CTSB: variants seen among roughly 807,000 people sequenced by gnomAD.
CTSB encodes cathepsin B, also known as APP secretase.
In CTSB, 57 loss-of-function variants were observed where a neutral mutation model predicts 44.3. The ratio of observed to expected loss-of-function variants is 1.29; its 90% CI spans 1.04 to 1.60. The LOEUF is 1.60. Among genes scored for constraint, CTSB ranks in the 40% most tolerant of loss-of-function variants. The probability of loss-of-function intolerance (pLI) is 0.00; values close to 1 mark genes in which losing one functional copy is unlikely to be tolerated. For missense variants in CTSB, 768 were observed against 443.0 expected (o/e 1.73, Z -6.59); for synonymous variants, 320 against 168.0 (o/e 1.91, Z -7.00).
At chr8:11,845,625 T>G in intron 9 of CTSB, 36 bp downstream of exon 9, 1 of 1,602,116 alleles carries the variant, frequency 6.2e-7, no homozygotes, top group Non-Finnish European at 8.5e-7. Flanking sequence ...TGGCTCACAA[T>G]TCACTGTTCT....
intron 2 of CTSB, 25 bp from the exon 3 acceptor site, chr8:11,852,720 G>A (rs1814819199): frequency 6.2e-7 from 1 of 1,607,294 alleles, no homozygotes; most frequent in Non-Finnish European, 8.5e-7. Flanking sequence ...CCCACTGACT[G>A]AAGGGTCTCC....
At chr8:11,849,397 T>C (rs13254438) in intron 4 of CTSB, 207,015 of 348,476 alleles carry the variant, frequency 0.59, 62,648 homozygotes, top group Middle Eastern at 0.66. Context: ...TTGCCCACCT[T>C]GGCCTCCCAA....
chr8:11,848,470 TA>T (rs1380500569), intron 5 of CTSB: 24 of 446,938 alleles, frequency 5.4e-5, no homozygotes, highest in Non-Finnish European at 7.6e-5. Context: ...GAGCAGACGC[TA>T]AACTTCCCTA....
chr8:11,866,547 G>C (rs1817180964), intron 1 of CTSB, among the ~76,000 whole-genome samples: 1 of 152,260 alleles, frequency 6.6e-6, no homozygotes, highest in Non-Finnish European at 1.5e-5. Context: ...TTCTCCAGGA[G>C]CTGGCGGGTT....
At chr8:11,850,669 C>T in intron 4 of CTSB, 197 bp downstream of exon 4, 2 of 471,794 alleles carry the variant, frequency 4.2e-6, no homozygotes, top group Non-Finnish European at 7.8e-6. Flanking sequence ...GCTGGATGCT[C>T]TGCCCGCCAC....
intron 1 of CTSB, among the ~76,000 whole-genome samples, chr8:11,854,047 G>A (rs952736363): frequency 2.0e-5 from 3 of 152,168 alleles, no homozygotes; most frequent in African/African-American, 2.4e-5. Context: ...CTCTGCTTCC[G>A]GCTGCGGAGA....
chr8:11,846,579 C>G (rs1008823073), intron 8 of CTSB, among the ~76,000 whole-genome samples: 1 of 152,174 alleles, frequency 6.6e-6, no homozygotes, highest in African/African-American at 2.4e-5. Context: ...AAGGTCCTCC[C>G]TGTGTGTTCA....
At chr8:11,852,452 A>C (rs1431622978) in intron 3 of CTSB, among the ~76,000 whole-genome samples, 158 bp downstream of exon 3, 1 of 152,172 alleles carries the variant, frequency 6.6e-6, no homozygotes, top group Non-Finnish European at 1.5e-5. Flanking sequence ...GTAATATAAA[A>C]ATGAAAAGAA....
intron 1 of CTSB, among the ~76,000 whole-genome samples, chr8:11,863,839 G>A (rs1033464732): frequency 2.3e-4 from 35 of 152,144 alleles, no homozygotes; most frequent in African/African-American, 8.4e-4. Context: ...GTAAATTGAT[G>A]CAACCACACT....
At chr8:11,846,945 C>G (rs1813479043) in intron 8 of CTSB, 107 bp downstream of exon 8, 2 of 742,386 alleles carry the variant, frequency 2.7e-6, no homozygotes, top group Non-Finnish European at 4.9e-6. Context: ...TCCCCAGCCC[C>G]TCACCTGCCT....
chr8:11,861,604 G>T (rs543738318), intron 1 of CTSB: 1 of 152,344 alleles, frequency 6.6e-6, no homozygotes, highest in South Asian at 2.1e-4. Flanking sequence ...TGTTGTCGTT[G>T]TTGGTTGTAA....
In CTSB at chr8:11,842,729, C is replaced by G. The variant is rs949243611; in HGVS notation, c.*2396G>C. The G allele has an allele frequency of 6.6e-6, 1 of 151,926 alleles. No individual in the cohort carries two copies. The highest frequency in any genetic ancestry group is 1.5e-5 in the Non-Finnish European group (1 of 68,054). The allele number at this position is 151,926 out of a possible 1,614,324, so 9.4% of individuals were successfully genotyped here. The stretch of plus-strand genomic sequence containing the variant: ...TCGGCTCACTGCATCCTCTGCCTCC[C>G]AGGTTCAAGCGATTCTCGTACCTCA... On this transcript the variant is annotated 3_prime_UTR_variant, in exon 10 of 10. Coordinates refer to ENST00000353047, the MANE Select transcript of CTSB (RefSeq NM_001908.5).
rs1480170464 is a variant in CTSB, at chr8:11,850,440, AAG to A, written c.327+424_327+425del. ...TCTCCAAAAAAAAAAAAAAAAAAAAAAGAAAGAAAAAGAAAACAAAAGAAGAT... is the reference window on the plus strand; with the variant it reads ...TCTCCAAAAAAAAAAAAAAAAAAAAAAAAGAAAAAGAAAACAAAAGAAGAT... On this transcript the variant is annotated intron_variant, in intron 4 of 9. Coordinates refer to ENST00000353047, the MANE Select transcript of CTSB (RefSeq NM_001908.5). Among the ~76,000 whole-genome samples the A allele has an allele frequency of 3.3e-3, 176 of 53,488 alleles. 2 individuals are homozygous for A. The highest frequency in any genetic ancestry group is 5.1e-3 in the Non-Finnish European group (129 of 25,524). 35.1% of individuals were successfully genotyped at this position (53,488 alleles called of 152,430 possible).
intron 5 of CTSB, chr8:11,848,662 C>T: frequency 3.2e-6 from 1 of 308,136 alleles, no homozygotes; most frequent in Admixed American, 4.3e-5. Flanking sequence ...GCAGAAAGTT[C>T]TGTGCCACCA....
At chr8:11,858,231 G>A (rs1006834001) in intron 1 of CTSB, among the ~76,000 whole-genome samples, 1 of 152,238 alleles carries the variant, frequency 6.6e-6, no homozygotes, top group Non-Finnish European at 1.5e-5. Context: ...CTAGCTCTCA[G>A]TTCACACTAA....
In CTSB at chr8:11,852,698, G is replaced by C; in HGVS notation, c.127-3C>G. The C allele has an allele frequency of 6.2e-7, 1 of 1,613,712 alleles. No individual in the cohort carries two copies. Among genetic ancestry groups the C allele is most frequent in the Non-Finnish European group, 8.5e-7 (1 of 1,179,894 alleles). On this transcript the variant is annotated splice_polypyrimidine_tract_variant and splice_region_variant and intron_variant, in intron 2 of 9. Transcript: ENST00000353047. ...ACGTTGTAGAAGTTGTGCCCGGCCT[G>C]GAAGAGAGTCACCCACTGACTGAAG...
chr8:11,857,033 G>T (rs1184598331), intron 1 of CTSB, among the ~76,000 whole-genome samples: 1 of 152,084 alleles, frequency 6.6e-6, no homozygotes, highest in African/African-American at 2.4e-5. Context: ...TTCCTCCCTA[G>T]TGACTTTGAG....
chr8:11,857,316 C>T (rs1438015678), intron 1 of CTSB, among the ~76,000 whole-genome samples: 2 of 152,116 alleles, frequency 1.3e-5, no homozygotes, highest in Non-Finnish European at 1.5e-5. Flanking sequence ...CTGGACCTGG[C>T]CCCTAGTGAC....
intron 2 of CTSB, 29 bp from the exon 3 acceptor site, chr8:11,852,724 G>A: frequency 6.2e-7 from 1 of 1,605,528 alleles, no homozygotes. Context: ...CTGACTGAAG[G>A]GTCTCCCGGG....
Sources: allele counts gnomAD v4.1 joint callset (sites outside exome capture counted in the v4.1 genomes callset), GRCh38; gene constraint gnomAD v4.1.1; transcripts MANE v1.5; gene names NCBI Gene and HGNC (gene_info 2026-07-23, HGNC 2026-07-21).